DIP2B: variants seen among roughly 807,000 people sequenced by gnomAD.
DIP2B encodes the protein disco-interacting protein 2 homolog B.
DIP2B carries 76 observed loss-of-function variants against 198.0 expected under a neutral mutation model. The ratio of observed to expected loss-of-function variants is 0.38; its 90% CI spans 0.32 to 0.46. The LOEUF is 0.46. Among genes scored for constraint, DIP2B ranks in the 20% least tolerant of loss-of-function variants. The pLI is 0.99. For missense variants in DIP2B, 1,559 were observed against 1,978.4 expected (o/e 0.79, Z 4.02); for synonymous variants, 701 against 739.1 (o/e 0.95, Z 0.84).
chr12:50,724,357 G>C (rs1939892929), intron 27 of DIP2B, among the ~76,000 whole-genome samples: 1 of 152,160 alleles, frequency 6.6e-6, no homozygotes, highest in Admixed American at 6.5e-5. Flanking sequence ...GTATGGGCTA[G>C]GTGTAGTAAG....
intron 1 of DIP2B, among the ~76,000 whole-genome samples, chr12:50,506,603 C>T (rs1343146908): frequency 2.1e-5 from 2 of 96,548 alleles, no homozygotes; most frequent in Non-Finnish European, 4.9e-5. Flanking sequence ...TATTCTTCGG[C>T]CAGTCCCGGG....
chr12:50,573,007 A>G (rs989599605), intron 1 of DIP2B, among the ~76,000 whole-genome samples: 3 of 152,224 alleles, frequency 2.0e-5, no homozygotes, highest in African/African-American at 7.2e-5. Context: ...TGGCACTCAG[A>G]AACTGATCAG....
chr12:50,571,548 G>GTTT (rs71083600), intron 1 of DIP2B, among the ~76,000 whole-genome samples: 989 of 85,770 alleles, frequency 0.012, 28 homozygotes, highest in African/African-American at 0.014. Context: ...AAACCTAGGC[G>GTTT]TTTTTTTTTT....
intron 1 of DIP2B, among the ~76,000 whole-genome samples, chr12:50,608,544 T>C (rs559872745): frequency 6.6e-6 from 1 of 151,320 alleles, no homozygotes; most frequent in East Asian, 2.0e-4. Context: ...GAGAATTGCT[T>C]GAACCTGGGA....
At chr12:50,634,044 A>T (rs1208453195) in intron 2 of DIP2B, among the ~76,000 whole-genome samples, 1 of 152,192 alleles carries the variant, frequency 6.6e-6, no homozygotes, top group Non-Finnish European at 1.5e-5. Context: ...AAATGAAGAT[A>T]CGGCAGATTC....
At chr12:50,690,390 T>A (rs920055425) in intron 12 of DIP2B, among the ~76,000 whole-genome samples, 1 of 152,132 alleles carries the variant, frequency 6.6e-6, no homozygotes, top group Non-Finnish European at 1.5e-5. Flanking sequence ...CCAGCCAAAA[T>A]TTTTTTAAAG....
At chr12:50,739,733 T>A in intron 36 of DIP2B, 147 bp downstream of exon 36, 2 of 1,053,680 alleles carry the variant, frequency 1.9e-6, no homozygotes, top group Non-Finnish European at 2.7e-6. Flanking sequence ...CTCTCTTCAT[T>A]TGGAGTCATG....
chr12:50,597,432 G>C (rs1169147430), intron 1 of DIP2B, among the ~76,000 whole-genome samples: 1 of 152,210 alleles, frequency 6.6e-6, no homozygotes, highest in African/African-American at 2.4e-5. Flanking sequence ...GCAGACAGCA[G>C]CTATCTCACT....
intron 3 of DIP2B, among the ~76,000 whole-genome samples, chr12:50,647,335 G>A (rs115125816): frequency 8.6e-4 from 131 of 152,314 alleles, no homozygotes; most frequent in African/African-American, 3.0e-3. Flanking sequence ...AAGGCATACA[G>A]TGTCAAGAAT....
chr12:50,650,438 A>G (rs1938434281), intron 3 of DIP2B, among the ~76,000 whole-genome samples: 1 of 152,184 alleles, frequency 6.6e-6, no homozygotes, highest in Non-Finnish European at 1.5e-5. Flanking sequence ...ATCTTGTGTG[A>G]CTGGAATTCC....
chr12:50,551,730 C>T (rs1365522327), intron 1 of DIP2B, among the ~76,000 whole-genome samples: 1 of 152,188 alleles, frequency 6.6e-6, no homozygotes, highest in Admixed American at 6.5e-5. Flanking sequence ...ATGCATGAGC[C>T]ACCATACCTG....
At chr12:50,611,835 A>G (rs1009551368) in intron 1 of DIP2B, among the ~76,000 whole-genome samples, 1 of 152,106 alleles carries the variant, frequency 6.6e-6, no homozygotes, top group African/African-American at 2.4e-5. Context: ...CATTTTCTTT[A>G]CAGTCTTCTA....
chr12:50,729,444 A>G (rs182957661), intron 30 of DIP2B, among the ~76,000 whole-genome samples: 5 of 152,288 alleles, frequency 3.3e-5, no homozygotes, highest in African/African-American at 1.2e-4. Context: ...ATTAACCTTC[A>G]TCTCCAGAGG....
intron 10 of DIP2B, among the ~76,000 whole-genome samples, chr12:50,683,903 G>A (rs1004544437): frequency 3.3e-5 from 5 of 152,174 alleles, no homozygotes; most frequent in Non-Finnish European, 1.5e-5. Context: ...CGTGAGCCCA[G>A]AAGGTTGAGA....
chr12:50,531,240 G>A (rs1022197355), intron 1 of DIP2B, among the ~76,000 whole-genome samples: 1 of 152,058 alleles, frequency 6.6e-6, no homozygotes, highest in African/African-American at 2.4e-5. Context: ...AGTAGAGATG[G>A]GGTTTCACCA....
chr12:50,588,771 G>C (rs1294107253), intron 1 of DIP2B, among the ~76,000 whole-genome samples: 1 of 152,152 alleles, frequency 6.6e-6, no homozygotes, highest in Non-Finnish European at 1.5e-5. Context: ...AAATTTGGAG[G>C]ATAGAGGTGG....
chr12:50,643,623 T>G (rs1037662925), intron 3 of DIP2B, among the ~76,000 whole-genome samples: 1 of 152,142 alleles, frequency 6.6e-6, no homozygotes, highest in Non-Finnish European at 1.5e-5. Flanking sequence ...AATTTTTCAG[T>G]ATATTAGGAA....
intron 1 of DIP2B, among the ~76,000 whole-genome samples, chr12:50,585,381 A>G (rs952539294): frequency 6.6e-6 from 1 of 152,226 alleles, no homozygotes; most frequent in African/African-American, 2.4e-5. Flanking sequence ...CCTTGTAGAC[A>G]GATGAAGCGT....
intron 1 of DIP2B, among the ~76,000 whole-genome samples, chr12:50,510,888 G>T (rs1189837940): frequency 1.3e-5 from 2 of 149,786 alleles, no homozygotes; most frequent in East Asian, 2.0e-4. Context: ...CAGGTGATCC[G>T]CCCACCTCGG....
Sources: allele counts gnomAD v4.1 joint callset (sites outside exome capture counted in the v4.1 genomes callset), GRCh38; gene constraint gnomAD v4.1.1; transcripts MANE v1.5; gene names NCBI Gene and HGNC (gene_info 2026-07-23, HGNC 2026-07-21).